Variants in GRM3 observed in about 807,000 individuals in gnomAD.
GRM3 encodes the protein glutamate metabotropic receptor 3, also known as metabotropic glutamate receptor 3.
GRM3 carries 26 observed loss-of-function variants against 70.5 expected under a neutral mutation model. The observed-to-expected ratio is 0.37, with a 90% CI of 0.27 to 0.51. The LOEUF (loss-of-function observed/expected upper bound fraction) is 0.51. GRM3 is among the 20% of genes least tolerant of loss of function. The probability of loss-of-function intolerance (pLI) is 0.93; values close to 1 mark genes in which losing one functional copy is unlikely to be tolerated. For synonymous variants in GRM3, 443 were observed against 434.9 expected (o/e 1.02, Z -0.23); for missense variants, 859 against 1,123.8 (o/e 0.76, Z 3.37).
intron 2 of GRM3, among the ~76,000 whole-genome samples, chr7:86,785,876 G>C (rs1373270004): frequency 6.6e-6 from 1 of 151,870 alleles, no homozygotes; most frequent in Non-Finnish European, 1.5e-5. Flanking sequence ...CAAAAACCGA[G>C]TTTGGCCAAT....
Position 86,839,791 on chromosome 7 carries a change from G to T in GRM3, c.2277G>T (p.Arg759=), listed in dbSNP as rs1798527153. The T allele has an allele frequency of 6.2e-7, 1 of 1,613,836 alleles. No individual in the cohort carries two copies. The highest frequency in any genetic ancestry group is 8.5e-7 in the Non-Finnish European group (1 of 1,179,888). The change falls in exon 4 of 6, where the codon CGG becomes CGT. Residue 759 remains arginine (R), a synonymous_variant. Transcript: ENST00000361669. This position sits in a 1 kb window ranked among gnomAD's most constrained non-coding sequence, Gnocchi z 4.5. ...ILCTVYAFKT[R]KCPENFNEAK... is the part of the protein sequence containing the mutation. ...GCACTGTGTACGCCTTCAAAACGCG[G>T]AAGTGCCCAGAAAATTTCAACGAAG... is the stretch of plus-strand genomic sequence containing the variant.
chr7:86,813,583 G>A (rs1317434855), intron 3 of GRM3, among the ~76,000 whole-genome samples: 2 of 151,758 alleles, frequency 1.3e-5, no homozygotes, highest in African/African-American at 2.4e-5. Flanking sequence ...ATCAGAGAAA[G>A]TAATGAAGTA....
chr7:86,681,983 A>G (rs1487728849), intron 1 of GRM3, among the ~76,000 whole-genome samples: 1 of 152,204 alleles, frequency 6.6e-6, no homozygotes, highest in Non-Finnish European at 1.5e-5. Context: ...TACGTTGCCT[A>G]AAGTATATAC....
At chr7:86,646,436 G>C (rs934514365) in intron 1 of GRM3, among the ~76,000 whole-genome samples, 4 of 152,096 alleles carry the variant, frequency 2.6e-5, no homozygotes, top group Non-Finnish European at 5.9e-5. Context: ...ATGCCCAAAG[G>C]CTATCTTATG....
Position 86,839,520 on chromosome 7 carries a change from T to A in GRM3, c.2006T>A (p.Ile669Asn), listed in dbSNP as rs1314716105. 6.2e-7 allele frequency: 1 copy of A among 1,607,596 alleles called. No individual in the cohort carries two copies. Among genetic ancestry groups the A allele is most frequent in the East Asian group, 2.2e-5 (1 of 44,796 alleles). The change falls in exon 4 of 6, where the codon ATC (isoleucine) becomes AAC (asparagine). Residue 669 changes from isoleucine to asparagine, a missense_variant. Coordinates refer to ENST00000361669, the MANE Select transcript of GRM3 (RefSeq NM_000840.3). This position sits in a 1 kb window ranked among gnomAD's most constrained non-coding sequence, Gnocchi z 4.5. ...ACCAAGACAAACTGCATTGCCCGCA[T>A]CTTCGATGGGGTCAAGAATGGCGCT... ...LLTKTNCIAR[I>N]FDGVKNGAQR...
At chr7:86,789,970 A>G (rs1475596361) in intron 3 of GRM3, among the ~76,000 whole-genome samples, 1 of 152,232 alleles carries the variant, frequency 6.6e-6, no homozygotes, top group Non-Finnish European at 1.5e-5. Context: ...CTCCTGGCAC[A>G]GGAGCTAACC....
chr7:86,669,849 C>T (rs892990097), intron 1 of GRM3, among the ~76,000 whole-genome samples: 1 of 152,150 alleles, frequency 6.6e-6, no homozygotes, highest in Non-Finnish European at 1.5e-5. Context: ...AGTATCTCAA[C>T]TTAGTCTCAC....
chr7:86,826,336 T>C (rs1219909748), intron 3 of GRM3, among the ~76,000 whole-genome samples: 1 of 152,228 alleles, frequency 6.6e-6, no homozygotes, highest in Non-Finnish European at 1.5e-5. Flanking sequence ...GAAGACTATA[T>C]ATCTCCTGCT....
At chr7:86,791,672 G>A (rs891139041) in intron 3 of GRM3, among the ~76,000 whole-genome samples, 1 of 152,184 alleles carries the variant, frequency 6.6e-6, no homozygotes, top group Non-Finnish European at 1.5e-5. Context: ...ATCTACCACA[G>A]TTTCTGATCC....
chr7:86,681,524 A>T (rs1209175900), intron 1 of GRM3, among the ~76,000 whole-genome samples: 1 of 152,128 alleles, frequency 6.6e-6, no homozygotes, highest in Non-Finnish European at 1.5e-5. Flanking sequence ...TGTCTACATT[A>T]TTCATCAATG....
chr7:86,848,263 C>G (rs1291143322), intron 4 of GRM3, among the ~76,000 whole-genome samples: 1 of 152,194 alleles, frequency 6.6e-6, no homozygotes, highest in Admixed American at 6.6e-5. Context: ...CTCCTGAGGT[C>G]TGGCCTGTCT....
intron 3 of GRM3, among the ~76,000 whole-genome samples, chr7:86,794,881 TAA>T (rs59824648): frequency 2.3e-4 from 33 of 142,584 alleles, no homozygotes; most frequent in African/African-American, 5.9e-4. Flanking sequence ...CTTTTGTCTT[TAA>T]AAAAAAAAAA....
chr7:86,845,778 A>G (rs1262780226), intron 4 of GRM3, among the ~76,000 whole-genome samples: 1 of 152,198 alleles, frequency 6.6e-6, no homozygotes, highest in East Asian at 1.9e-4. Flanking sequence ...CCTATGGCTC[A>G]ACCATATGAG....
chr7:86,758,691 A>G (rs575786596), intron 1 of GRM3, among the ~76,000 whole-genome samples: 102 of 152,308 alleles, frequency 6.7e-4, no homozygotes, highest in African/African-American at 2.3e-3. Flanking sequence ...AGTTTAGGAC[A>G]ATCTGTTTGC....
At chr7:86,665,276 A>G (rs1793998071) in intron 1 of GRM3, among the ~76,000 whole-genome samples, 1 of 152,030 alleles carries the variant, frequency 6.6e-6, no homozygotes. Context: ...TCCTATCCTG[A>G]AAGTCATATT....
At chr7:86,792,373 G>C (rs977160025) in intron 3 of GRM3, among the ~76,000 whole-genome samples, 1 of 152,066 alleles carries the variant, frequency 6.6e-6, no homozygotes, top group Non-Finnish European at 1.5e-5. Flanking sequence ...CAATTTGAAG[G>C]AAAAAAGAAA....
intron 2 of GRM3, among the ~76,000 whole-genome samples, chr7:86,777,489 C>T (rs951426144): frequency 4.6e-5 from 7 of 152,108 alleles, no homozygotes; most frequent in African/African-American, 1.4e-4. Context: ...ATCTTTGACT[C>T]AAGTGTTTTT....
At chr7:86,820,033 T>C (rs964300000) in intron 3 of GRM3, among the ~76,000 whole-genome samples, 1 of 152,168 alleles carries the variant, frequency 6.6e-6, no homozygotes, top group South Asian at 2.1e-4. Flanking sequence ...TCATTTTTGA[T>C]GGTATGAATT....
chr7:86,684,809 T>C (rs1225459235), intron 1 of GRM3, among the ~76,000 whole-genome samples: 1 of 152,242 alleles, frequency 6.6e-6, no homozygotes, highest in African/African-American at 2.4e-5. Flanking sequence ...AACAGCCGGA[T>C]TTTAAATCTC....
Sources: gnomAD v4.1 joint callset for allele counts (sites outside exome capture counted in the v4.1 genomes callset) on GRCh38, gnomAD v4.1.1 for gene constraint, Gnocchi (gnomAD v3.1) non-coding constraint, MANE v1.5 for transcripts, NCBI Gene and HGNC (gene_info 2026-07-23, HGNC 2026-07-21) for gene names.